KIF6: variants seen among roughly 807,000 people sequenced by gnomAD.
KIF6 encodes kinesin-like protein KIF6.
Under a neutral mutation model 112.7 loss-of-function variants are expected in KIF6, and 106 were observed. That is an observed-to-expected ratio of 0.94 (90% CI 0.80 to 1.11). The LOEUF (loss-of-function observed/expected upper bound fraction) is 1.11. KIF6 is among the 50% of genes least tolerant of loss of function. The pLI is 0.00. For missense variants in KIF6, 929 were observed against 964.0 expected, an observed-to-expected ratio of 0.96 and a Z score of 0.48; for synonymous variants, 339 against 339.9, an observed-to-expected ratio of 1.00 and a Z score of 0.03.
At chr6:39,369,035 C>G (rs1382069722) in intron 16 of KIF6, among the ~76,000 whole-genome samples, 1 of 152,228 alleles carries the variant, frequency 6.6e-6, no homozygotes, top group Non-Finnish European at 1.5e-5. Flanking sequence ...TGGGGCTCAG[C>G]TGTCTCACAC....
chr6:39,587,285 A>G (rs1266974718), intron 7 of KIF6, among the ~76,000 whole-genome samples: 1 of 152,172 alleles, frequency 6.6e-6, no homozygotes, highest in Admixed American at 6.5e-5. Flanking sequence ...GGCATCACAA[A>G]GCCCTAGCTC....
chr6:39,644,802 AT>A (rs535304186), intron 3 of KIF6, among the ~76,000 whole-genome samples: 43 of 152,292 alleles, frequency 2.8e-4, no homozygotes, highest in Middle Eastern at 3.4e-3. Context: ...TAAAGAGTAA[AT>A]GTTTTAGTAT....
At chr6:39,522,868 TTCCTGGCTACCCTTC>T (rs1211166529) in intron 13 of KIF6, among the ~76,000 whole-genome samples, 1 of 152,186 alleles carries the variant, frequency 6.6e-6, no homozygotes, top group Admixed American at 6.5e-5. Flanking sequence ...TTTTCCTCTT[TTCCTGGCTACCCTTC>T]TCCTTATGAA....
intron 1 of KIF6, among the ~76,000 whole-genome samples, chr6:39,721,718 T>C (rs943842747): frequency 6.6e-6 from 1 of 151,818 alleles, no homozygotes; most frequent in African/African-American, 2.4e-5. Context: ...ATTACCTCCC[T>C]TACAAGATTG....
intron 13 of KIF6, among the ~76,000 whole-genome samples, chr6:39,474,407 CTCAAA>C (rs1358480857): frequency 2.0e-5 from 3 of 152,226 alleles, no homozygotes; most frequent in South Asian, 4.1e-4. Context: ...CATATTTATT[CTCAAA>C]TCAAATTTTC....
chr6:39,372,220 G>A, intron 16 of KIF6, among the ~76,000 whole-genome samples: 1 of 149,082 alleles, frequency 6.7e-6, no homozygotes, highest in East Asian at 1.9e-4. Flanking sequence ...TTTCCATCCA[G>A]GGGCAGAGGA....
chr6:39,507,960 TTCCTCC>T (rs950837313), intron 13 of KIF6, among the ~76,000 whole-genome samples: 1 of 87,286 alleles, frequency 1.1e-5, no homozygotes, highest in Non-Finnish European at 2.1e-5. Context: ...CCCCTTCCCC[TTCCTCC>T]TCCTCCTCCT....
intron 6 of KIF6, among the ~76,000 whole-genome samples, chr6:39,602,063 T>C (rs557599659): frequency 1.7e-4 from 26 of 152,308 alleles, no homozygotes; most frequent in African/African-American, 6.3e-4. Flanking sequence ...ATTTGATCTA[T>C]AAAATTTTAA....
At chr6:39,620,789 G>A (rs184880132) in intron 5 of KIF6, among the ~76,000 whole-genome samples, 2 of 115,832 alleles carry the variant, frequency 1.7e-5, no homozygotes, top group Non-Finnish European at 3.6e-5. Flanking sequence ...TTTATTTTGA[G>A]GCAGAGTCTT....
intron 3 of KIF6, among the ~76,000 whole-genome samples, chr6:39,712,906 C>G (rs1272364384): frequency 1.3e-5 from 2 of 152,146 alleles, no homozygotes; most frequent in East Asian, 1.9e-4. Context: ...ACCTATGTAA[C>G]AAACCTGCAC....
intron 3 of KIF6, among the ~76,000 whole-genome samples, chr6:39,643,295 T>A (rs2150774841): frequency 6.6e-6 from 1 of 152,306 alleles, no homozygotes; most frequent in Admixed American, 6.5e-5. Context: ...TCAAGCTGGC[T>A]TATTTGCAAA....
At chr6:39,390,240 G>A (rs965828507) in intron 15 of KIF6, among the ~76,000 whole-genome samples, 2 of 152,230 alleles carry the variant, frequency 1.3e-5, no homozygotes, top group South Asian at 2.1e-4. Context: ...AAGGGATAAC[G>A]CACCAGCATG....
intron 13 of KIF6, among the ~76,000 whole-genome samples, chr6:39,494,620 C>T (rs796337992): frequency 2.0e-5 from 3 of 152,012 alleles, no homozygotes; most frequent in African/African-American, 4.8e-5. Context: ...CCTAATGTTC[C>T]GACGTAAAAG....
At chr6:39,692,843 TC>T (rs1052732492) in intron 3 of KIF6, among the ~76,000 whole-genome samples, 42 of 152,074 alleles carry the variant, frequency 2.8e-4, no homozygotes, top group African/African-American at 1.0e-3. Flanking sequence ...TATTTTTTTT[TC>T]ATTAGAGAAG....
At chr6:39,709,217 T>C (rs906229957) in intron 3 of KIF6, among the ~76,000 whole-genome samples, 3 of 152,230 alleles carry the variant, frequency 2.0e-5, no homozygotes, top group Non-Finnish European at 4.4e-5. Flanking sequence ...TGCAGTCCTA[T>C]ACAGCTTTGG....
At chr6:39,502,527 C>T (rs1272584208) in intron 13 of KIF6, among the ~76,000 whole-genome samples, 3 of 152,070 alleles carry the variant, frequency 2.0e-5, no homozygotes, top group Non-Finnish European at 4.4e-5. Context: ...GCTAAATGCC[C>T]CAATTAAAAG....
At chr6:39,673,051 C>T (rs927102595) in intron 3 of KIF6, among the ~76,000 whole-genome samples, 8 of 152,166 alleles carry the variant, frequency 5.3e-5, no homozygotes, top group Admixed American at 4.6e-4. Flanking sequence ...CAGAACCATT[C>T]TGATGAGGAC....
At chr6:39,707,778 G>A (rs574555595) in intron 3 of KIF6, among the ~76,000 whole-genome samples, 3 of 152,288 alleles carry the variant, frequency 2.0e-5, no homozygotes, top group African/African-American at 7.2e-5. Context: ...CGCTTGTAAA[G>A]CACATTGTTT....
intron 14 of KIF6, among the ~76,000 whole-genome samples, chr6:39,429,722 C>T (rs1771008050): frequency 6.6e-6 from 1 of 152,160 alleles, no homozygotes; most frequent in African/African-American, 2.4e-5. Flanking sequence ...TCGTGGCTAA[C>T]ACAGTGAAAC....
Sources: allele counts gnomAD v4.1 joint callset (sites outside exome capture counted in the v4.1 genomes callset), GRCh38; gene constraint gnomAD v4.1.1; transcripts MANE v1.5; gene names NCBI Gene and HGNC (gene_info 2026-07-23, HGNC 2026-07-21).